Variants in LPA observed in about 807,000 individuals in gnomAD.
LPA encodes the protein lipoprotein(a), also known as apolipoprotein(a).
In LPA, 199 loss-of-function variants were observed where a neutral mutation model predicts 197.9. The ratio of observed to expected loss-of-function variants is 1.01; its 90% CI spans 0.90 to 1.13. The LOEUF (loss-of-function observed/expected upper bound fraction) is 1.13, where lower values mean the gene tolerates loss of function less well. Ranked by LOEUF, LPA falls within the 50% of genes most tolerant of loss-of-function variation. LPA has a pLI of 0.00. For missense variants in LPA, 1,853 were observed against 1,785.8 expected (o/e 1.04, Z -0.68); for synonymous variants, 715 against 639.5 (o/e 1.12, Z -1.78).
chr6:160,557,556 G>C lies in LPA; in HGVS notation c.4647C>G (p.Asn1549Lys). 6.2e-7 allele frequency: 1 copy of C among 1,614,030 alleles called. No individual in the cohort carries two copies. The highest frequency in any genetic ancestry group is 8.5e-7 in the Non-Finnish European group (1 of 1,179,978). ...ENYPNAGLTE[N>K]YCRNPDSGKQ... ...TCCCAGAATCTGGATTCCTGCAGTA[G>C]TTCTCGGTCAGGCCACTGCAAATTC... The change falls in exon 29 of 39, where the codon AAC becomes AAG. Residue 1549 changes from asparagine to lysine, a missense_variant. By Grantham distance (94) the Asn-to-Lys change is moderately conservative (BLOSUM62 0). Around this residue, in one of 3 missense-constraint regions of LPA, gnomAD observed 1,737 missense variants for 1,504.4 expected, o/e 1.15. Transcript: ENST00000316300.
chr6:160,545,318 A>C (rs1562316222), intron 33 of LPA, 122 bp downstream of exon 33: 2 of 708,532 alleles, frequency 2.8e-6, no homozygotes, highest in South Asian at 3.1e-5. Flanking sequence ...TCTGGTGGAG[A>C]GGGCAGCCAT....
intron 27 of LPA, among the ~76,000 whole-genome samples, chr6:160,578,203 A>G (rs149728839): frequency 2.0e-5 from 3 of 152,306 alleles, no homozygotes; most frequent in African/African-American, 7.2e-5. Flanking sequence ...GGAAATCTTC[A>G]CATATTTGGC....
rs1388822733 is a variant in LPA, at chr6:160,576,438, A to ACT, written c.4631+697_4631+698insAG. ...TATGGGTATATATATATATACACACATGCACACATATATTTGTGTGTGTAA... is the reference window on the plus strand; with the variant it reads ...TATGGGTATATATATATATACACACACTTGCACACATATATTTGTGTGTGTAA... On this transcript the variant is annotated intron_variant, in intron 28 of 38. Transcript: ENST00000316300. Among the ~76,000 whole-genome samples, 457 of 131,290 alleles carry ACT rather than the reference A, an allele frequency of 3.5e-3. 8 individuals are homozygous for ACT. The highest frequency in any genetic ancestry group is 0.012 in the African/African-American group (436 of 36,258). 86.1% of individuals were successfully genotyped at this position (131,290 alleles called of 152,430 possible). A position where few individuals can be genotyped will look rare whatever the true frequency, so the allele number is the denominator to read the frequency against.
intron 28 of LPA, among the ~76,000 whole-genome samples, chr6:160,558,211 G>C (rs1312781434): frequency 6.6e-6 from 1 of 152,014 alleles, no homozygotes; most frequent in East Asian, 1.9e-4. Flanking sequence ...GAGCCACTGC[G>C]CCTGGCCTTA....
rs1562354733 is a variant in LPA, at chr6:160,654,008, TA to T, written c.50-3512del. Among the ~76,000 whole-genome samples the T allele has an allele frequency of 1.6e-3, 14 of 8,672 alleles. 1 individual carries two copies. Among genetic ancestry groups the T allele is most frequent in the Non-Finnish European group, 2.9e-3 (14 of 4,892 alleles). The allele number at this position is 8,672 out of a possible 152,430, so 5.7% of individuals were successfully genotyped here. A position where few individuals can be genotyped will look rare whatever the true frequency, so the allele number is the denominator to read the frequency against. On this transcript the variant is annotated intron_variant, in intron 1 of 38. Transcript: ENST00000316300. ...TATATAATATATATTATATATAATA[TA>T]TATTATATATAATATATAATATATA...
At chr6:160,549,081 G>A (rs778331771) in intron 30 of LPA, among the ~76,000 whole-genome samples, 112 of 152,266 alleles carry the variant, frequency 7.4e-4, no homozygotes, top group Admixed American at 2.0e-3. Context: ...AGTGCAAGTA[G>A]GGGAAATGCC....
intron 18 of LPA, among the ~76,000 whole-genome samples, chr6:160,601,614 C>G (rs1288588020): frequency 6.6e-6 from 1 of 152,202 alleles, no homozygotes; most frequent in African/African-American, 2.4e-5. Context: ...CAGTCTCATT[C>G]AATGTACTCA....
chr6:160,604,990 C>T (rs1562340918), intron 18 of LPA, 56 bp downstream of exon 18: 1 of 1,608,694 alleles, frequency 6.2e-7, no homozygotes, highest in East Asian at 2.2e-5. Flanking sequence ...CATGACTCTA[C>T]TAACAGAAAT....
intron 28 of LPA, among the ~76,000 whole-genome samples, chr6:160,560,917 T>A (rs1045914536): frequency 6.6e-6 from 1 of 152,110 alleles, no homozygotes; most frequent in Non-Finnish European, 1.5e-5. Context: ...TTTGTTTTTG[T>A]TTTTGTTTTT....
intron 35 of LPA, among the ~76,000 whole-genome samples, chr6:160,540,419 G>T (rs1777963055): frequency 6.6e-6 from 1 of 152,220 alleles, no homozygotes; most frequent in Non-Finnish European, 1.5e-5. Flanking sequence ...TAAATCTCGT[G>T]TTCAACTGTA....
At chr6:160,580,431 A>T (rs1778771705) in intron 26 of LPA, among the ~76,000 whole-genome samples, 1 of 152,194 alleles carries the variant, frequency 6.6e-6, no homozygotes. Context: ...TCAAGAATAG[A>T]ATTACAGGTT....
intron 26 of LPA, among the ~76,000 whole-genome samples, chr6:160,584,204 TTC>T (rs1562331158): frequency 8.1e-6 from 1 of 123,274 alleles, no homozygotes; most frequent in Non-Finnish European, 1.7e-5. Context: ...CTTCTTCTTC[TTC>T]TTCTTCTTCT....
intron 18 of LPA, among the ~76,000 whole-genome samples, chr6:160,602,036 C>T (rs372488074): frequency 6.6e-6 from 1 of 152,180 alleles, no homozygotes; most frequent in Non-Finnish European, 1.5e-5. Flanking sequence ...CTCTCAGAAT[C>T]CTCCCATTCG....
intron 16 of LPA, among the ~76,000 whole-genome samples, chr6:160,610,501 A>T (rs930480357): frequency 6.6e-6 from 1 of 152,130 alleles, no homozygotes. Flanking sequence ...CTATCTTCTT[A>T]ATTGAGCTTG....
chr6:160,609,525 T>C (rs1400933371), intron 16 of LPA, among the ~76,000 whole-genome samples: 1 of 152,120 alleles, frequency 6.6e-6, no homozygotes, highest in Non-Finnish European at 1.5e-5. Context: ...TCATGTAGTT[T>C]TTTTTCTCGA....
intron 28 of LPA, among the ~76,000 whole-genome samples, chr6:160,563,712 G>A (rs1386098342): frequency 6.6e-6 from 1 of 152,130 alleles, no homozygotes; most frequent in Admixed American, 6.5e-5. Context: ...CTCTTTGTAG[G>A]TCTCTAAGAA....
intron 28 of LPA, among the ~76,000 whole-genome samples, chr6:160,576,382 A>ATG (rs1562327948): frequency 2.0e-4 from 10 of 50,664 alleles, no homozygotes; most frequent in African/African-American, 1.1e-3. Flanking sequence ...ATATATATAT[A>ATG]TATATATGTA....
In LPA at chr6:160,611,663, A is replaced by C; in HGVS notation, c.2502T>G (p.Tyr834Ter). Reference sequence around the variant, plus strand: ...TGACAGTGGTGGAGTATGTGCCTCGATAACTCTGTCCATTACCGTGGTAGC... The same window carrying C: ...TGACAGTGGTGGAGTATGTGCCTCGCTAACTCTGTCCATTACCGTGGTAGC... ...QECYHGNGQS[Y>*]RGTYSTTVTG... Residue 834 changes from tyrosine to a stop codon, truncating the protein, a stop_gained, in exon 16 of 39, where the codon TAT becomes TAG. Coordinates refer to ENST00000316300, the MANE Select transcript of LPA (RefSeq NM_005577.4). LOFTEE classifies it high-confidence loss of function. The C allele has an allele frequency of 6.4e-7, 1 of 1,562,914 alleles. No homozygotes were observed. Among genetic ancestry groups the C allele is most frequent in the Non-Finnish European group, 8.7e-7 (1 of 1,151,358 alleles).
At chr6:160,553,957 G>GCA (rs1554231710) in intron 30 of LPA, among the ~76,000 whole-genome samples, 1 of 148,828 alleles carries the variant, frequency 6.7e-6, no homozygotes, top group African/African-American at 2.5e-5. Context: ...GTGTGTGTGC[G>GCA]CGCGCGCGCG....
Sources: gnomAD v4.1 joint callset for allele counts (sites outside exome capture counted in the v4.1 genomes callset) on GRCh38, gnomAD v4.1.1 for gene constraint, gnomAD v4.1.1 regional missense constraint, MANE v1.5 for transcripts, NCBI Gene and HGNC (gene_info 2026-07-23, HGNC 2026-07-21) for gene names.